CCDC7: variants seen among roughly 807,000 people sequenced by gnomAD.
The protein encoded by CCDC7 is coiled-coil domain-containing protein 7.
CCDC7 carries 183 observed loss-of-function variants against 196.9 expected under a neutral mutation model. The observed-to-expected ratio is 0.93, with a 90% CI of 0.82 to 1.05. The LOEUF (loss-of-function observed/expected upper bound fraction) is 1.05. CCDC7 is among the 50% of genes least tolerant of loss of function. CCDC7 has a pLI of 0.00. For synonymous variants in CCDC7, 525 were observed against 484.6 expected, an observed-to-expected ratio of 1.08 and a Z score of -1.10; for missense variants, 1,540 against 1,482.2, an observed-to-expected ratio of 1.04 and a Z score of -0.64.
chr10:32,564,701 A>G (rs1283234100), intron 13 of CCDC7, among the ~76,000 whole-genome samples: 1 of 152,132 alleles, frequency 6.6e-6, no homozygotes, highest in Non-Finnish European at 1.5e-5. Flanking sequence ...ACCTAATGCT[A>G]TAATGACGAG....
intron 22 of CCDC7, among the ~76,000 whole-genome samples, chr10:32,686,521 T>G (rs1403155063): frequency 6.6e-6 from 1 of 152,212 alleles, no homozygotes; most frequent in Non-Finnish European, 1.5e-5. Context: ...AGGAGGCCTG[T>G]TGGATGGACT....
intron 31 of CCDC7, among the ~76,000 whole-genome samples, chr10:32,816,366 A>C (rs1300802673): frequency 6.6e-6 from 1 of 152,228 alleles, no homozygotes; most frequent in Non-Finnish European, 1.5e-5. Context: ...AGCCCACCGC[A>C]GCTCAAGGAG....
At chr10:32,595,289 G>T (rs537982729) in intron 18 of CCDC7, among the ~76,000 whole-genome samples, 1 of 152,300 alleles carries the variant, frequency 6.6e-6, no homozygotes, top group Non-Finnish European at 1.5e-5. Flanking sequence ...GGGTATATGT[G>T]TCGGGGAATT....
intron 20 of CCDC7, among the ~76,000 whole-genome samples, chr10:32,655,095 C>G (rs903818283): frequency 2.0e-5 from 3 of 152,140 alleles, no homozygotes; most frequent in Non-Finnish European, 2.9e-5. Flanking sequence ...GATACATCAT[C>G]AAATAGTGGT....
intron 13 of CCDC7, among the ~76,000 whole-genome samples, chr10:32,564,708 C>A (rs556111761): frequency 3.5e-4 from 53 of 151,776 alleles, no homozygotes; most frequent in African/African-American, 1.3e-3. Flanking sequence ...GCTATAATGA[C>A]GAGTTAATGG....
At chr10:32,818,598 C>G (rs1181947780) in intron 31 of CCDC7, among the ~76,000 whole-genome samples, 1 of 152,202 alleles carries the variant, frequency 6.6e-6, no homozygotes, top group Non-Finnish European at 1.5e-5. Context: ...GTAAAGCACT[C>G]CTCAGCAAAT....
At chr10:32,537,292 A>G (rs991018084) in intron 11 of CCDC7, among the ~76,000 whole-genome samples, 1 of 152,148 alleles carries the variant, frequency 6.6e-6, no homozygotes, top group African/African-American at 2.4e-5. Flanking sequence ...GGCTACATGT[A>G]TGTCTTCTTT....
chr10:32,623,736 G>A (rs778978791), intron 18 of CCDC7: 1 of 469,934 alleles, frequency 2.1e-6, no homozygotes, highest in Non-Finnish European at 4.4e-6. Flanking sequence ...AAGAAACATG[G>A]TGCCGGCATC....
chr10:32,511,263 G>GA lies in CCDC7; in HGVS notation c.873-6682_873-6681insA, dbSNP rs1554812921. ...CCACAGAATTATTCTGTGGGGGGCG[G>GA]GGGGGGCGGGGAAATGTACTTTTTG... On this transcript the variant is annotated intron_variant, in intron 9 of 41. Transcript: ENST00000639629. 15 of 591,180 alleles carry GA rather than the reference G, an allele frequency of 2.5e-5. 1 individual carries two copies. The highest frequency in any genetic ancestry group is 4.4e-5 in the African/African-American group (2 of 45,920). 36.6% of individuals were successfully genotyped at this position (591,180 alleles called of 1,614,324 possible).
intron 28 of CCDC7, among the ~76,000 whole-genome samples, chr10:32,732,845 A>G (rs977028915): frequency 5.3e-5 from 8 of 152,110 alleles, no homozygotes; most frequent in Admixed American, 1.3e-4. Context: ...TCTTTTTAAT[A>G]TTAGTATTTG....
intron 20 of CCDC7, among the ~76,000 whole-genome samples, chr10:32,658,193 T>C (rs1240144486): frequency 2.6e-5 from 4 of 152,242 alleles, no homozygotes. Context: ...TTCTACATTT[T>C]TGGTTATCTT....
chr10:32,627,060 G>C (rs1292526614), intron 18 of CCDC7, among the ~76,000 whole-genome samples: 1 of 150,246 alleles, frequency 6.7e-6, no homozygotes, highest in Non-Finnish European at 1.5e-5. Flanking sequence ...GGTTCCATAT[G>C]AATGTAAAAT....
chr10:32,670,392 A>T (rs948521995), intron 21 of CCDC7, among the ~76,000 whole-genome samples: 18 of 150,902 alleles, frequency 1.2e-4, no homozygotes, highest in East Asian at 5.8e-4. Context: ...TTTTTTTTTT[A>T]AATTTATTAT....
At chr10:32,768,501 G>A (rs2078666113) in intron 28 of CCDC7, among the ~76,000 whole-genome samples, 1 of 152,062 alleles carries the variant, frequency 6.6e-6, no homozygotes, top group African/African-American at 2.4e-5. Context: ...GTCCTATTTT[G>A]ATGCCTTTTA....
At chr10:32,549,686 T>C (rs979345541) in intron 13 of CCDC7, among the ~76,000 whole-genome samples, 3 of 152,142 alleles carry the variant, frequency 2.0e-5, no homozygotes, top group African/African-American at 7.2e-5. Flanking sequence ...TTCCCCACTT[T>C]ATGTTTTTGT....
At chr10:32,528,730 ACGTATATATGT>A (rs1433515955) in intron 11 of CCDC7, among the ~76,000 whole-genome samples, 2 of 143,008 alleles carry the variant, frequency 1.4e-5, no homozygotes, top group African/African-American at 5.3e-5. Flanking sequence ...ATACGTATTT[ACGTATATATGT>A]ATATATACAT....
chr10:32,563,021 G>C (rs1234041400), intron 13 of CCDC7, among the ~76,000 whole-genome samples: 39 of 151,764 alleles, frequency 2.6e-4, no homozygotes, highest in Non-Finnish European at 5.9e-5. Context: ...AGACAGAGAG[G>C]CAAATCATGA....
chr10:32,597,770 G>C (rs573254612), intron 18 of CCDC7, among the ~76,000 whole-genome samples: 94 of 152,336 alleles, frequency 6.2e-4, no homozygotes, highest in African/African-American at 2.2e-3. Flanking sequence ...CGGTCTCTTG[G>C]GGTGTGCTGG....
intron 22 of CCDC7, among the ~76,000 whole-genome samples, chr10:32,686,287 A>G (rs1052648957): frequency 2.6e-5 from 4 of 152,210 alleles, no homozygotes; most frequent in Non-Finnish European, 4.4e-5. Context: ...TGTAGCCATG[A>G]TCATGTGCTC....
Sources: allele counts gnomAD v4.1 joint callset (sites outside exome capture counted in the v4.1 genomes callset), GRCh38; gene constraint gnomAD v4.1.1; transcripts MANE v1.5; gene names NCBI Gene and HGNC (gene_info 2026-07-23, HGNC 2026-07-21).